The following MDM2 variants were observed in gnomAD, a reference collection of about 807,000 sequenced individuals.
The protein encoded by MDM2 is E3 ubiquitin-protein ligase Mdm2.
MDM2 carries 11 observed loss-of-function variants against 64.3 expected under a neutral mutation model. The observed-to-expected ratio is 0.17, with a 90% CI of 0.11 to 0.28. The LOEUF is 0.28. Among genes scored for constraint, MDM2 ranks in the 10% least tolerant of loss-of-function variants. MDM2 has a pLI of 1.00. For synonymous variants in MDM2, 194 were observed against 192.9 expected, an observed-to-expected ratio of 1.01 and a Z score of -0.05; for missense variants, 388 against 577.1, an observed-to-expected ratio of 0.67 and a Z score of 3.36.
At chr12:68,826,515 G>A (rs1238484401) in intron 7 of MDM2, among the ~76,000 whole-genome samples, 1 of 151,734 alleles carries the variant, frequency 6.6e-6, no homozygotes, top group Non-Finnish European at 1.5e-5. Context: ...CAGGTGTGGT[G>A]GCAGGCGCCT....
rs540239420 is a variant in MDM2, at chr12:68,831,640, G to A, written c.684+2709G>A. Among the ~76,000 whole-genome samples the A allele has an allele frequency of 3.3e-5, 5 of 152,246 alleles. No homozygotes were observed. In the South Asian group the frequency reaches 6.2e-4, roughly 19 times the overall value. On this transcript the variant is annotated intron_variant, in intron 8 of 10. Coordinates refer to ENST00000258149, the MANE Select transcript of MDM2 (RefSeq NM_002392.6). ...AGACAAGAAATTTTTCTGGAGCTAC[G>A]AAAAACCTTCCAAGGACCACTTTTC...
rs760587938 is a variant in MDM2, at chr12:68,816,901, A to G, written c.264A>G (p.Leu88=). Reference sequence around the variant, plus strand: ...TTGTATATTGTTCAAATGATCTTCTAGGAGATTTGTTTGGCGTGCCAAGCT... The same window carrying G: ...TTGTATATTGTTCAAATGATCTTCTGGGAGATTTGTTTGGCGTGCCAAGCT... The part of the protein sequence containing the change: ...QHIVYCSNDL[L]GDLFGVPSFS... The change falls in exon 4 of 11, where the codon CTA becomes CTG. Residue 88 remains leucine (L), a synonymous_variant. Coordinates refer to ENST00000258149, the MANE Select transcript of MDM2 (RefSeq NM_002392.6). 13 of 1,613,126 alleles carry G rather than the reference A, an allele frequency of 8.1e-6. No homozygotes were observed. In the East Asian group the frequency reaches 1.8e-4, roughly 22 times the overall value.
rs1381283438 is a variant in MDM2 at position 68,839,503 on chromosome 12, A to C, written c.1148A>C (p.Glu383Ala). 5.0e-6 allele frequency: 8 copies of C among 1,613,970 alleles called. No homozygotes were observed. The highest frequency in any genetic ancestry group is 6.8e-6 in the Non-Finnish European group (8 of 1,180,036). Reference protein sequence around the residue: ...VNDSRESCVEENDDKITQASQ... With the variant: ...VNDSRESCVEANDDKITQASQ... ...GATTCCAGAGAGTCATGTGTTGAGG[A>C]AAATGATGATAAAATTACACAAGCT... The change falls in exon 11 of 11, where the codon GAA becomes GCA. Residue 383 changes from glutamate to alanine, a missense_variant. Glu to Ala is a moderately radical substitution (Grantham distance 107). Transcript: ENST00000258149.
rs778784299 is a variant in MDM2 at position 68,824,647 on chromosome 12, G to C, written c.519G>C (p.Glu173Asp). ...CATCTAGAAGGAGAGCAATTAGTGA[G>C]ACAGGTATATATGAATATTTATTTG... ...STSSRRRAIS[E>D]TEENSDELSG... The change falls in exon 7 of 11, where the codon GAG becomes GAC. Residue 173 changes from glutamate (E) to aspartate (D), a missense_variant. Physicochemically the swap from Glu to Asp is conservative, Grantham distance 45. Around this residue, in one of 5 missense-constraint regions of MDM2, gnomAD observed 168 missense variants for 236.6 expected, o/e 0.71. Coordinates refer to ENST00000258149, the MANE Select transcript of MDM2 (RefSeq NM_002392.6). 1.9e-6 allele frequency: 3 copies of C among 1,574,122 alleles called. No homozygotes were observed. Among genetic ancestry groups the C allele is most frequent in the Admixed American group, 3.4e-5 (2 of 59,016 alleles).
At chr12:68,823,748 G>A (rs1026695632) in intron 5 of MDM2, among the ~76,000 whole-genome samples, 9 of 152,136 alleles carry the variant, frequency 5.9e-5, no homozygotes, top group Non-Finnish European at 1.2e-4. Flanking sequence ...CTAGAAATCA[G>A]TTTCATTTCT....
chr12:68,840,874 T>G lies in MDM2; in HGVS notation c.*1025T>G, dbSNP rs1489419388. 2 of 142,656 alleles carry G rather than the reference T, an allele frequency of 1.4e-5. No homozygotes were observed. Among genetic ancestry groups the G allele is most frequent in the African/African-American group, 2.9e-5 (1 of 34,576 alleles). The allele number at this position is 142,656 out of a possible 1,614,324, so 8.8% of individuals were successfully genotyped here. ...TTTTTTTTTTTTTTGAGACAGAGTCTTGCTCCATCACCCATGCTAGAGTGC... is the reference window on the plus strand; with the variant it reads ...TTTTTTTTTTTTTTGAGACAGAGTCGTGCTCCATCACCCATGCTAGAGTGC... On this transcript the variant is annotated 3_prime_UTR_variant, in exon 11 of 11. Transcript: ENST00000258149.
At chr12:68,810,305 C>T (rs1030494947) in intron 2 of MDM2, among the ~76,000 whole-genome samples, 7 of 134,618 alleles carry the variant, frequency 5.2e-5, no homozygotes, top group African/African-American at 1.0e-4. Context: ...AGCGAAACTC[C>T]GTCTAAAAAA....
intron 8 of MDM2, among the ~76,000 whole-genome samples, chr12:68,830,981 G>A (rs1882744413): frequency 6.6e-6 from 1 of 152,152 alleles, no homozygotes; most frequent in South Asian, 2.1e-4. Flanking sequence ...GATTACAGAT[G>A]TGAGCCACCT....
At chr12:68,824,320 C>T (rs1202479285) in intron 5 of MDM2, 43 bp from the exon 6 acceptor site, 1 of 1,511,854 alleles carries the variant, frequency 6.6e-7, no homozygotes. Context: ...CCCGCCGCCC[C>T]CCGCCCACCA....
At chr12:68,819,006 A>G (rs946107401) in intron 4 of MDM2, among the ~76,000 whole-genome samples, 2 of 152,300 alleles carry the variant, frequency 1.3e-5, no homozygotes, top group Admixed American at 6.5e-5. Flanking sequence ...TGCTGGGATT[A>G]CAGACGTGAG....
intron 8 of MDM2, among the ~76,000 whole-genome samples, chr12:68,831,939 C>T (rs1400871731): frequency 1.3e-5 from 2 of 152,016 alleles, no homozygotes; most frequent in African/African-American, 4.8e-5. Context: ...GGCATAGTGG[C>T]GGGCACCTGT....
At chr12:68,849,180 C>T (rs1260580366), downstream of MDM2, 1 of 152,308 alleles carries the variant, frequency 6.6e-6, no homozygotes, top group African/African-American at 2.4e-5. Flanking sequence ...ACCTCTGCCC[C>T]CCAGGTTCAA....
In MDM2 at chr12:68,843,355, CAAAT is replaced by C. The variant is rs1331366333; in HGVS notation, c.*3511_*3514del. On this transcript the variant is annotated 3_prime_UTR_variant, in exon 11 of 11. Coordinates refer to ENST00000258149, the MANE Select transcript of MDM2 (RefSeq NM_002392.6). ...GTTAATGTATTGAATGTTCTTGCTA[CAAAT>C]AAATGATATTTGAGCTGATGGGTGT... 8.7e-6 allele frequency: 2 copies of C among 230,270 alleles called. No individual in the cohort carries two copies. Among genetic ancestry groups the C allele is most frequent in the Non-Finnish European group, 1.7e-5 (2 of 116,438 alleles). The allele number at this position is 230,270 out of a possible 1,614,324, so 14.3% of individuals were successfully genotyped here. A position where few individuals can be genotyped will look rare whatever the true frequency, so the allele number is the denominator to read the frequency against.
At chr12:68,809,130 A>G in intron 1 of MDM2, 78 bp from the exon 2 acceptor site, 1 of 1,579,308 alleles carries the variant, frequency 6.3e-7, no homozygotes, top group Middle Eastern at 1.7e-4. Flanking sequence ...ACTGTTGTTT[A>G]TGTTCTTTAT....
At chr12:68,827,325 G>A (rs1176425379) in intron 7 of MDM2, among the ~76,000 whole-genome samples, 1 of 151,824 alleles carries the variant, frequency 6.6e-6, no homozygotes, top group Non-Finnish European at 1.5e-5. Context: ...TATTACTCAA[G>A]TACATGACTC....
rs1352908144 is a variant in MDM2 at position 68,833,143 on chromosome 12, A to T, written c.685-2686A>T. Among the ~76,000 whole-genome samples the T allele has an allele frequency of 1.6e-3, 170 of 107,270 alleles. 2 individuals carry two copies. Among genetic ancestry groups the T allele is most frequent in the South Asian group, 5.1e-3 (21 of 4,090 alleles). The allele number at this position is 107,270 out of a possible 152,430, so 70.4% of individuals were successfully genotyped here. A position where few individuals can be genotyped will look rare whatever the true frequency, so the allele number is the denominator to read the frequency against. On this transcript the variant is annotated intron_variant, in intron 8 of 10. Transcript: ENST00000258149. ...TCTGTCTCCAAAAAAAAAAAAAAAA[A>T]AAAAAAATATATATATATATATATT...
chr12:68,809,001 C>T (rs1880615051), intron 1 of MDM2: 1 of 1,450,712 alleles, frequency 6.9e-7, no homozygotes, highest in Non-Finnish European at 9.0e-7. Flanking sequence ...CTATTTAAAC[C>T]ATGCATTTTC....
intron 4 of MDM2, among the ~76,000 whole-genome samples, chr12:68,818,327 C>A (rs1881558886): frequency 1.3e-5 from 2 of 151,474 alleles, no homozygotes; most frequent in African/African-American, 4.8e-5. Context: ...TTTAAAACAA[C>A]CTTATTATTG....
rs1695148 is a variant in MDM2 at position 68,841,283 on chromosome 12, G to A, written c.*1434G>A. The A allele has an allele frequency of 0.017, 3,421 of 202,012 alleles. 42 individuals are homozygous for A. Among genetic ancestry groups the A allele is most frequent in the African/African-American group, 0.028 (1,233 of 43,594 alleles). The allele number at this position is 202,012 out of a possible 1,614,324, so 12.5% of individuals were successfully genotyped here. A position where few individuals can be genotyped will look rare whatever the true frequency, so the allele number is the denominator to read the frequency against. On this transcript the variant is annotated 3_prime_UTR_variant, in exon 11 of 11. Transcript: ENST00000258149. ...TAGGTTTTCTTGATTTAACAATAGA[G>A]ACAGGGTCTCCCTGTGTTGCCCAGG...
Sources: allele counts gnomAD v4.1 joint callset (sites outside exome capture counted in the v4.1 genomes callset), GRCh38; gene constraint gnomAD v4.1.1; regional missense constraint gnomAD v4.1.1; transcripts MANE v1.5; gene names NCBI Gene and HGNC (gene_info 2026-07-23, HGNC 2026-07-21).